HTT-AS: variants seen among roughly 807,000 people sequenced by gnomAD.
HTT-AS encodes the protein HTT antisense RNA.
At chr4:3,053,259 A>G (rs1190265872) in intron 2 of HTT-AS, among the ~76,000 whole-genome samples, 1 of 152,170 alleles carries the variant, frequency 6.6e-6, no homozygotes, top group Non-Finnish European at 1.5e-5. Context: ...ATTGCCAGGC[A>G]CATTGGCTCA....
At chr4:3,072,572 C>A (rs1712200118) in intron 1 of HTT-AS, among the ~76,000 whole-genome samples, 1 of 152,204 alleles carries the variant, frequency 6.6e-6, no homozygotes, top group African/African-American at 2.4e-5. Flanking sequence ...AACTAACAAC[C>A]TTGAGGCCTG....
intron 2 of HTT-AS, among the ~76,000 whole-genome samples, chr4:3,054,157 T>A (rs1277735046): frequency 6.6e-6 from 1 of 151,804 alleles, no homozygotes. Context: ...TGCGGACATG[T>A]GGAATTAGCC....
intron 1 of HTT-AS, among the ~76,000 whole-genome samples, chr4:3,064,020 A>G (rs558886986): frequency 1.3e-5 from 2 of 152,168 alleles, no homozygotes; most frequent in South Asian, 4.2e-4. Flanking sequence ...GGAGTGAATC[A>G]CCAGAAAGAT....
intron 1 of HTT-AS, among the ~76,000 whole-genome samples, chr4:3,068,248 G>T (rs1712092024): frequency 6.9e-6 from 1 of 144,240 alleles, no homozygotes; most frequent in South Asian, 2.3e-4. Flanking sequence ...GGAGCTTGCA[G>T]TGAGCCGAGA....
exon 1 of HTT-AS, chr4:3,074,520 A>T (rs1056855808): frequency 3.5e-6 from 1 of 286,756 alleles, no homozygotes. Context: ...TTGCTGTGTG[A>T]GGCAGAACCT....
intron 2 of HTT-AS, among the ~76,000 whole-genome samples, chr4:3,055,575 T>C (rs1026731081): frequency 1.3e-5 from 2 of 152,216 alleles, no homozygotes; most frequent in African/African-American, 4.8e-5. Context: ...ATTCAGAATG[T>C]TCCACTGTAG....
chr4:3,048,419 G>A (rs949948630), downstream of HTT-AS, among the ~76,000 whole-genome samples: 1 of 152,160 alleles, frequency 6.6e-6, no homozygotes, highest in South Asian at 2.1e-4. Context: ...TAAAACCTTT[G>A]AGAGAATGCA....
chr4:3,050,400 T>C (rs1711680575), intron 2 of HTT-AS, among the ~76,000 whole-genome samples: 1 of 152,232 alleles, frequency 6.6e-6, no homozygotes, highest in Non-Finnish European at 1.5e-5. Flanking sequence ...AGCAGTTCTA[T>C]AAGCCAGTCA....
At chr4:3,064,014 T>C (rs996083901) in intron 1 of HTT-AS, among the ~76,000 whole-genome samples, 7 of 151,506 alleles carry the variant, frequency 4.6e-5, no homozygotes, top group African/African-American at 1.7e-4. Context: ...TGGATAGGAG[T>C]GAATCACCAG....
intron 2 of HTT-AS, among the ~76,000 whole-genome samples, chr4:3,060,441 A>T (rs1210058787): frequency 6.6e-6 from 1 of 152,238 alleles, no homozygotes; most frequent in Non-Finnish European, 1.5e-5. Flanking sequence ...AAACCCCAAA[A>T]TTTGAGAAAG....
chr4:3,073,658 T>C (rs1712259855), intron 1 of HTT-AS, among the ~76,000 whole-genome samples: 1 of 151,330 alleles, frequency 6.6e-6, no homozygotes, highest in Non-Finnish European at 1.5e-5. Context: ...GGCGCTGCGC[T>C]GGGACCGATG....
chr4:3,068,080 T>C (rs28718346), intron 1 of HTT-AS, among the ~76,000 whole-genome samples: 8,872 of 150,092 alleles, frequency 0.059, 458 homozygotes, highest in African/African-American at 0.14. Context: ...CCGAGGCGGG[T>C]GGATCACGAG....
intron 2 of HTT-AS, among the ~76,000 whole-genome samples, chr4:3,054,206 A>C (rs953521812): frequency 2.6e-5 from 4 of 151,822 alleles, no homozygotes; most frequent in Admixed American, 6.6e-5. Flanking sequence ...AAAGAAAATA[A>C]ATTTTATATA....
At chr4:3,070,782 A>G (rs1050314877) in intron 1 of HTT-AS, among the ~76,000 whole-genome samples, 2 of 152,136 alleles carry the variant, frequency 1.3e-5, no homozygotes, top group Non-Finnish European at 2.9e-5. Context: ...CCCAGCATCT[A>G]TCTTTTTTCC....
chr4:3,046,755 C>T (rs1711591932), downstream of HTT-AS, among the ~76,000 whole-genome samples: 1 of 152,190 alleles, frequency 6.6e-6, no homozygotes, highest in Admixed American at 6.5e-5. Context: ...CTGTTAGGAT[C>T]TATGTGTTTC....
chr4:3,066,537 C>G (rs985504275), intron 1 of HTT-AS, among the ~76,000 whole-genome samples: 1 of 152,158 alleles, frequency 6.6e-6, no homozygotes, highest in African/African-American at 2.4e-5. Context: ...GGGTCCCAGG[C>G]AATTCCTTTC....
At chr4:3,054,565 G>A (rs1711771595) in intron 2 of HTT-AS, among the ~76,000 whole-genome samples, 5 of 152,252 alleles carry the variant, frequency 3.3e-5, no homozygotes, top group African/African-American at 7.2e-5. Flanking sequence ...ATAAGATAAA[G>A]CTAAAAGTTT....
intron 1 of HTT-AS, among the ~76,000 whole-genome samples, chr4:3,066,673 T>A (rs1712063188): frequency 1.3e-5 from 2 of 152,162 alleles, no homozygotes; most frequent in African/African-American, 2.4e-5. Flanking sequence ...CACATCCAGT[T>A]CCTCAAAACT....
intron 2 of HTT-AS, among the ~76,000 whole-genome samples, chr4:3,062,351 G>T (rs1353541468): frequency 1.3e-5 from 2 of 152,082 alleles, no homozygotes; most frequent in African/African-American, 4.8e-5. Context: ...TTTATAAATT[G>T]CTAATTCAAA....
Sources: gnomAD v4.1 joint callset for allele counts (sites outside exome capture counted in the v4.1 genomes callset) on GRCh38, gnomAD v4.1.1 for gene constraint, MANE v1.5 for transcripts, NCBI Gene and HGNC (gene_info 2026-07-23, HGNC 2026-07-21) for gene names.